The following TMEM184C variants were observed in gnomAD, a reference collection of about 807,000 sequenced individuals.
The protein encoded by TMEM184C is transmembrane protein 34.
In TMEM184C, 25 loss-of-function variants were observed where a neutral mutation model predicts 54.5. That is an observed-to-expected ratio of 0.46 (90% CI 0.33 to 0.64). TMEM184C has a LOEUF of 0.64. Ranked by LOEUF, TMEM184C falls within the 30% of genes least tolerant of loss-of-function variation. The probability of loss-of-function intolerance (pLI) is 0.02; values close to 1 mark genes in which losing one functional copy is unlikely to be tolerated. For synonymous variants in TMEM184C, 148 were observed against 181.5 expected (o/e 0.82, Z 1.49); for missense variants, 335 against 520.3 (o/e 0.64, Z 3.46).
chr4:147,629,638 T>C lies in TMEM184C; in HGVS notation c.612T>C (p.Phe204=), dbSNP rs1172895304. 1 of 1,597,620 alleles carries C rather than the reference T, an allele frequency of 6.3e-7. No individual in the cohort carries two copies. Among genetic ancestry groups the C allele is most frequent in the Non-Finnish European group, 8.5e-7 (1 of 1,173,498 alleles). ...TTGGTATATATGACGAAGGGAACTT[T>C]AGCTTTTCAAATGCTTGGACTTATT... The part of the protein sequence containing the change: ...ELLGIYDEGN[F]SFSNAWTYLV... The change falls in exon 6 of 10, where the codon TTT becomes TTC. Residue 204 remains phenylalanine (F), a synonymous_variant. Coordinates refer to ENST00000296582, the MANE Select transcript of TMEM184C (RefSeq NM_018241.3).
chr4:147,634,460 A>G lies in TMEM184C; in HGVS notation c.*26A>G, dbSNP rs773349724. ...ACAGTATGGAAAAGCAAACTGTGCA[A>G]CTACTACATTATATCATTACCTGGT... On this transcript the variant is annotated 3_prime_UTR_variant, in exon 10 of 10. Coordinates refer to ENST00000296582, the MANE Select transcript of TMEM184C (RefSeq NM_018241.3). 12 of 1,606,564 alleles carry G rather than the reference A, an allele frequency of 7.5e-6. No individual in the cohort carries two copies. Among genetic ancestry groups the G allele is most frequent in the Non-Finnish European group, 1.0e-5 (12 of 1,175,894 alleles).
chr4:147,633,698 A>AAGAT (rs1347710762), intron 8 of TMEM184C, 67 bp from the exon 9 acceptor site: 1 of 1,297,946 alleles, frequency 7.7e-7, no homozygotes, highest in African/African-American at 1.5e-5. Context: ...CAAGTAGAGA[A>AAGAT]AGATAGCACT....
Position 147,628,381 on chromosome 4 carries a change from A to G in TMEM184C, c.518A>G (p.Lys173Arg), listed in dbSNP as rs1416443851. Residue 173 changes from lysine to arginine, a missense_variant, in exon 5 of 10, where the codon AAA becomes AGA. Lys to Arg is a conservative substitution (Grantham distance 26, BLOSUM62 2). Coordinates refer to ENST00000296582, the MANE Select transcript of TMEM184C (RefSeq NM_018241.3). The stretch of plus-strand genomic sequence containing the variant: ...TGCAGAGTATTGCTGTTTAGGTGCA[A>G]ACTAGGTGTATTACAGTACACAGTT... ...AMGEVLLFRC[K>R]LGVLQYTVVR... 1.2e-6 allele frequency: 2 copies of G among 1,613,458 alleles called. No homozygotes were observed. The highest frequency in any genetic ancestry group is 1.7e-5 in the Admixed American group (1 of 59,872).
chr4:147,623,741 G>T, intron 1 of TMEM184C, 93 bp from the exon 2 acceptor site: 1 of 1,286,438 alleles, frequency 7.8e-7, no homozygotes, highest in African/African-American at 1.5e-5. Flanking sequence ...GCCTCCCCAA[G>T]TGCTAGGATT....
At chr4:147,626,955 A>C (rs1334649833) in intron 4 of TMEM184C, among the ~76,000 whole-genome samples, 1 of 152,228 alleles carries the variant, frequency 6.6e-6, no homozygotes, top group Non-Finnish European at 1.5e-5. Flanking sequence ...CGAATGCAGA[A>C]TTACGAAGAG....
chr4:147,628,272 A>T, intron 4 of TMEM184C, 89 bp from the exon 5 acceptor site: 1 of 981,294 alleles, frequency 1.0e-6, no homozygotes. Context: ...GGTATCATTC[A>T]TCAAAGTGAT....
At chr4:147,624,608 CTAAGA>C (rs1184761811) in intron 3 of TMEM184C, among the ~76,000 whole-genome samples, 191 bp from the exon 4 acceptor site, 3 of 152,142 alleles carry the variant, frequency 2.0e-5, no homozygotes, top group Admixed American at 6.5e-5. Context: ...TTACCAATAT[CTAAGA>C]TGTTTATTGC....
In TMEM184C at chr4:147,618,056, G is replaced by A. The variant is rs747645929; in HGVS notation, c.100G>A (p.Val34Met). Residue 34 changes from valine to methionine, a missense_variant, in exon 1 of 10, where the codon GTG becomes ATG. Transcript: ENST00000296582. Reference sequence around the variant, plus strand: ...AATAGTGGTTGCGGTTCCCCTATGCGTGTGGGAATTACAGAAACTGGAGGT... The same window carrying A: ...AATAGTGGTTGCGGTTCCCCTATGCATGTGGGAATTACAGAAACTGGAGGT... The part of the protein sequence containing the change: ...VSIVVAVPLC[V>M]WELQKLEVGI... 9.3e-6 allele frequency: 15 copies of A among 1,614,120 alleles called. No homozygotes were observed. The highest frequency in any genetic ancestry group is 1.7e-4 in the Middle Eastern group (1 of 6,060).
rs752498762 is a variant in TMEM184C at position 147,624,842 on chromosome 4, G to A, written c.330G>A (p.Val110=). ...ALKYPGIAIY[V]DTCRECYEAY... Reference sequence around the variant, plus strand: ...AATATCCCGGAATTGCAATATATGTGGATACCTGCAGAGAATGCTATGAAG... The same window carrying A: ...AATATCCCGGAATTGCAATATATGTAGATACCTGCAGAGAATGCTATGAAG... Residue 110 remains valine, a synonymous_variant, in exon 4 of 10, where the codon GTG becomes GTA. Transcript: ENST00000296582. 8 of 1,613,776 alleles carry A rather than the reference G, an allele frequency of 5.0e-6. No homozygotes were observed. The Admixed American group carries it at 1.3e-4, about 27-fold the overall frequency.
chr4:147,631,871 C>G (rs966433157), intron 7 of TMEM184C, among the ~76,000 whole-genome samples: 3 of 152,022 alleles, frequency 2.0e-5, no homozygotes, highest in African/African-American at 7.2e-5. Flanking sequence ...GAAGGTAAAA[C>G]TATACATAGT....
intron 4 of TMEM184C, 95 bp downstream of exon 4, chr4:147,625,104 G>A: frequency 1.7e-6 from 2 of 1,173,992 alleles, no homozygotes; most frequent in Non-Finnish European, 2.5e-6. Flanking sequence ...AGTGCATTAA[G>A]TATTAATAGC....
rs749024563 is a variant in TMEM184C at position 147,634,248 on chromosome 4, A to G, written c.1131A>G (p.Ser377=). The G allele has an allele frequency of 1.2e-6, 2 of 1,614,210 alleles. No homozygotes were observed. Among genetic ancestry groups the G allele is most frequent in the South Asian group, 2.2e-5 (2 of 91,088 alleles). ...QDQNEHTSLL[S]SSSQDAISIA... ...AAAATGAACATACAAGTTTATTATC[A>G]TCATCATCACAAGATGCAATTTCCA... The change falls in exon 10 of 10, where the codon TCA becomes TCG. Residue 377 remains serine, a synonymous_variant. Transcript: ENST00000296582.
chr4:147,629,539 G>A, intron 5 of TMEM184C, 60 bp from the exon 6 acceptor site: 1 of 1,231,326 alleles, frequency 8.1e-7, no homozygotes, highest in Non-Finnish European at 1.2e-6. Flanking sequence ...TATTGCTATT[G>A]CTGTATTTTG....
chr4:147,625,093 C>T (rs1732788706), intron 4 of TMEM184C, 84 bp downstream of exon 4: 1 of 1,306,046 alleles, frequency 7.7e-7, no homozygotes, highest in South Asian at 1.3e-5. Context: ...CTTTACAAGG[C>T]AGTGCATTAA....
At chr4:147,634,144 A>C in intron 9 of TMEM184C, 25 bp from the exon 10 acceptor site, 1 of 1,595,106 alleles carries the variant, frequency 6.3e-7, no homozygotes, top group Non-Finnish European at 8.5e-7. Context: ...ATAACTTTTG[A>C]CTAACAGAAA....
At position 147,619,835 on chromosome 4, in the gene TMEM184C, A is replaced by G. The variant is rs140461357; in HGVS notation, c.123+1756A>G. ...ACATGTCTTGCTTGGACTCTTCTCA[A>G]CACACCAGCCAGAGTAACCAGTTAA... On this transcript the variant is annotated intron_variant, in intron 1 of 9. Coordinates refer to ENST00000296582, the MANE Select transcript of TMEM184C (RefSeq NM_018241.3). Among the ~76,000 whole-genome samples the G allele has an allele frequency of 2.7e-3, 405 of 152,266 alleles. 4 individuals carry two copies. The highest frequency in any genetic ancestry group is 9.4e-3 in the African/African-American group (390 of 41,560).
At position 147,635,673 on chromosome 4, in the gene TMEM184C, T is replaced by A. The variant is rs1733018293; in HGVS notation, c.*1239T>A. On this transcript the variant is annotated 3_prime_UTR_variant, in exon 10 of 10. Transcript: ENST00000296582. ...GGTTCACAGTAATCATACAAAGTCT[T>A]TATTCCATCCACTATTATAAACATT... The A allele has an allele frequency of 6.6e-6, 1 of 152,128 alleles. No individual in the cohort carries two copies. The highest frequency in any genetic ancestry group is 2.4e-5 in the African/African-American group (1 of 41,434). 9.4% of individuals were successfully genotyped at this position (152,128 alleles called of 1,614,324 possible).
chr4:147,624,009 T>G, intron 2 of TMEM184C, 45 bp downstream of exon 2: 1 of 1,612,160 alleles, frequency 6.2e-7, no homozygotes, highest in Non-Finnish European at 8.5e-7. Context: ...TGTTGGCTTA[T>G]TTCATAAATA....
chr4:147,624,366 T>C (rs1486791375), intron 3 of TMEM184C, among the ~76,000 whole-genome samples: 1 of 150,100 alleles, frequency 6.7e-6, no homozygotes, highest in African/African-American at 2.5e-5. Context: ...AATATACTAC[T>C]CTTTTTATTT....
Sources: gnomAD v4.1 joint callset for allele counts (sites outside exome capture counted in the v4.1 genomes callset) on GRCh38, gnomAD v4.1.1 for gene constraint, MANE v1.5 for transcripts, NCBI Gene and HGNC (gene_info 2026-07-23, HGNC 2026-07-21) for gene names.